The following SH3TC2 variants were observed in gnomAD, a reference collection of about 807,000 sequenced individuals.
SH3TC2 encodes the protein SH3 domain and tetratricopeptide repeats 2, also known as SH3 domain and tetratricopeptide repeat-containing protein 2.
SH3TC2 carries 87 observed loss-of-function variants against 124.5 expected under a neutral mutation model. The ratio of observed to expected loss-of-function variants is 0.70; its 90% CI spans 0.59 to 0.84. The LOEUF is 0.84. SH3TC2 is among the 40% of genes least tolerant of loss of function. The pLI, the probability that SH3TC2 is intolerant of heterozygous loss-of-function variation, is 0.00. For missense variants in SH3TC2, 1,536 were observed against 1,566.4 expected (o/e 0.98, Z 0.33); for synonymous variants, 634 against 628.5 (o/e 1.01, Z -0.13).
chr5:149,027,206 C>G lies in SH3TC2; in HGVS notation c.2526G>C (p.Leu842=). 1.9e-6 allele frequency: 3 copies of G among 1,614,218 alleles called. No individual in the cohort carries two copies. The highest frequency in any genetic ancestry group is 2.5e-6 in the Non-Finnish European group (3 of 1,180,050). The change falls in exon 11 of 17, where the codon CTG becomes CTC. Residue 842 remains leucine, a synonymous_variant. Coordinates refer to ENST00000515425, the MANE Select transcript of SH3TC2 (RefSeq NM_024577.4). ...GGCCTTCACCTTGGAGTGCAAGTCC[C>G]AGGAGGTTATAGATGACTCCCCTTT... The part of the protein sequence containing the change: ...LTQRGVIYNL[L]GLALQGEGRV...
At chr5:149,058,655 G>A (rs1169264221) in intron 1 of SH3TC2, among the ~76,000 whole-genome samples, 2 of 151,972 alleles carry the variant, frequency 1.3e-5, no homozygotes, top group Non-Finnish European at 2.9e-5. Flanking sequence ...GTAAGTGGGA[G>A]GAAAGCAGGA....
rs1480567885 is a variant in SH3TC2 at position 148,997,687 on chromosome 5, A to G, written c.*7024T>C. ...AGATGTGTCACCTGACAGAAACACA[A>G]TATAATATAATGGTTTCATTTCCTA... On this transcript the variant is annotated 3_prime_UTR_variant, in exon 17 of 17. Coordinates refer to ENST00000515425, the MANE Select transcript of SH3TC2 (RefSeq NM_024577.4). Among the ~76,000 whole-genome samples, 1 of 152,200 alleles carries G rather than the reference A, an allele frequency of 6.6e-6. No individual in the cohort carries two copies. Among genetic ancestry groups the G allele is most frequent in the Non-Finnish European group, 1.5e-5 (1 of 68,016 alleles).
rs1057194274 is a variant in SH3TC2, at chr5:149,002,267, G to A, written c.*2444C>T. 2.0e-5 allele frequency: 3 copies of A among 152,716 alleles called. No individual in the cohort carries two copies. The highest frequency in any genetic ancestry group is 7.2e-5 in the African/African-American group (3 of 41,448). 9.5% of individuals were successfully genotyped at this position (152,716 alleles called of 1,614,324 possible). A position where few individuals can be genotyped will look rare whatever the true frequency, so the allele number is the denominator to read the frequency against. On this transcript the variant is annotated 3_prime_UTR_variant, in exon 17 of 17. Transcript: ENST00000515425. Reference sequence around the variant, plus strand: ...ACACGATATGTAACTGTTCTGGAATGTGTGTGCCCCTGACTGTCTCCCAGG... The same window carrying A: ...ACACGATATGTAACTGTTCTGGAATATGTGTGCCCCTGACTGTCTCCCAGG...
chr5:149,058,093 T>G (rs1187580049), intron 1 of SH3TC2, among the ~76,000 whole-genome samples: 1 of 152,242 alleles, frequency 6.6e-6, no homozygotes, highest in East Asian at 1.9e-4. Context: ...AGCTTTCTGA[T>G]AACATCATCT....
Position 149,028,317 on chromosome 5 carries a change from G to A in SH3TC2, c.1415C>T (p.Ala472Val). ...AGCATAACCCTCATGATCCAGAAAA[G>A]CCAATATGGGGGCGAAGTTCTCAGC... ...EEAENFAPIL[A>V]FLDHEGYADH... The change falls in exon 11 of 17, where the codon GCT becomes GTT. Residue 472 changes from alanine to valine, a missense_variant. Around this residue, in one of 3 missense-constraint regions of SH3TC2, gnomAD observed 1,102 missense variants for 1,098.6 expected, o/e 1.00. Coordinates refer to ENST00000515425, the MANE Select transcript of SH3TC2 (RefSeq NM_024577.4). The A allele has an allele frequency of 6.2e-7, 1 of 1,614,048 alleles. No homozygotes were observed. The highest frequency in any genetic ancestry group is 8.5e-7 in the Non-Finnish European group (1 of 1,180,050).
intron 7 of SH3TC2, among the ~76,000 whole-genome samples, chr5:149,040,261 G>T (rs867286757): frequency 6.6e-6 from 1 of 152,122 alleles, no homozygotes; most frequent in Non-Finnish European, 1.5e-5. Context: ...CCCACAGGCC[G>T]CATTTGGCTC....
rs542258964 is a variant in SH3TC2, at chr5:149,008,936, C to T, written c.3393G>A (p.Lys1131=). The T allele has an allele frequency of 6.2e-6, 10 of 1,614,130 alleles. No individual in the cohort carries two copies. The highest frequency in any genetic ancestry group is 2.7e-5 in the African/African-American group (2 of 74,930). The change falls in exon 15 of 17, where the codon AAG becomes AAA. Residue 1131 remains lysine, a synonymous_variant. Coordinates refer to ENST00000515425, the MANE Select transcript of SH3TC2 (RefSeq NM_024577.4). ...AVRTELRIFN[K]LTELQISLEG... The stretch of plus-strand genomic sequence containing the variant: ...CGAGGCTAATCTGCAGCTCTGTCAG[C>T]TTATTGAAAATCCGGAGCTCAGTTC...
chr5:149,029,060 A>G (rs1754136568), intron 9 of SH3TC2, among the ~76,000 whole-genome samples: 2 of 152,096 alleles, frequency 1.3e-5, no homozygotes, highest in South Asian at 4.1e-4. Context: ...TAGAATCTGA[A>G]GATCAGAGAG....
rs938165875 is a variant in SH3TC2 at position 148,983,944 on chromosome 5, C to T, written c.*20767G>A. ...AGGTACTATCAACCTGCTCCTGGAA[C>T]CAGTGTGGTTTTTAAGTCACTTGAA... On this transcript the variant is annotated 3_prime_UTR_variant, in exon 17 of 17. Transcript: ENST00000515425. Among the ~76,000 whole-genome samples the T allele has an allele frequency of 6.6e-6, 1 of 152,286 alleles. No homozygotes were observed. Among genetic ancestry groups the T allele is most frequent in the South Asian group, 2.1e-4 (1 of 4,830 alleles).
chr5:149,027,598 G>T lies in SH3TC2; in HGVS notation c.2134C>A (p.His712Asn), dbSNP rs756043391. Residue 712 changes from histidine to asparagine, a missense_variant, in exon 11 of 17, where the codon CAC becomes AAC. Physicochemically the swap from His to Asn is moderately conservative, Grantham distance 68. This residue lies in a region of SH3TC2 where 1,102 missense variants were observed against 1,098.6 expected (regional missense o/e 1.00). Coordinates refer to ENST00000515425, the MANE Select transcript of SH3TC2 (RefSeq NM_024577.4). ...QGMSLPIWQVHLVLQNTTKLL... is the reference protein window; with the variant it reads ...QGMSLPIWQVNLVLQNTTKLL... ...TTGGTTGTGTTCTGGAGGACAAGGT[G>T]GACCTGCCAAATAGGAAGAGACATC... 6.2e-7 allele frequency: 1 copy of T among 1,614,246 alleles called. No homozygotes were observed. Among genetic ancestry groups the T allele is most frequent in the Non-Finnish European group, 8.5e-7 (1 of 1,180,046 alleles).
At chr5:149,042,538 A>G (rs1014720772) in intron 5 of SH3TC2, among the ~76,000 whole-genome samples, 156 bp downstream of exon 5, 3 of 152,238 alleles carry the variant, frequency 2.0e-5, no homozygotes, top group Non-Finnish European at 4.4e-5. Flanking sequence ...TGTTGAACTC[A>G]GAGGAATGTT....
rs202052720 is a variant in SH3TC2, at chr5:149,041,487, C to G, written c.660G>C (p.Val220=). 1.9e-5 allele frequency: 30 copies of G among 1,614,160 alleles called. No individual in the cohort carries two copies. The East Asian group carries it at 5.6e-4, about 30-fold the overall frequency. Reference sequence around the variant, plus strand: ...GGCCCCGCTGACCTGTCACCAAAGACACGCCTTCCAACTCGGAGCCAGCTT... The same window carrying G: ...GGCCCCGCTGACCTGTCACCAAAGAGACGCCTTCCAACTCGGAGCCAGCTT... ...MAEAGSELEG[V]SLVTGQRGLV... The change falls in exon 6 of 17, where the codon GTG becomes GTC. Residue 220 remains valine (V), a synonymous_variant. Transcript: ENST00000515425.
chr5:149,007,523 A>G (rs1262275767), intron 15 of SH3TC2: 2 of 289,476 alleles, frequency 6.9e-6, no homozygotes, highest in African/African-American at 4.3e-5. Flanking sequence ...CACTCTGTAT[A>G]ATAAATGTCT....
At chr5:149,048,039 GAAGA>G (rs1561771935) in intron 2 of SH3TC2, 50 bp from the exon 3 acceptor site, 1 of 1,610,754 alleles carries the variant, frequency 6.2e-7, no homozygotes. Flanking sequence ...GAATAAAAAG[GAAGA>G]AAGAGTTAGA....
intron 12 of SH3TC2, among the ~76,000 whole-genome samples, chr5:149,018,703 A>G (rs546257941): frequency 6.6e-6 from 1 of 152,206 alleles, no homozygotes; most frequent in Non-Finnish European, 1.5e-5. Flanking sequence ...CAGCCAAACC[A>G]TGTCACTACT....
chr5:149,047,876 G>C lies in SH3TC2; in HGVS notation c.265C>G (p.Arg89Gly), dbSNP rs142488510. 3 of 1,614,056 alleles carry C rather than the reference G, an allele frequency of 1.9e-6. No homozygotes were observed. The South Asian group carries it at 3.3e-5, about 18-fold the overall frequency. ...TTCATGCTCACCTTAAACAGCATGC[G>C]CACCTCCTGGTCCTCATTCTCCAGT... ...WALENEDQEVRMLFKDLSARL... is the reference protein window; with the variant it reads ...WALENEDQEVGMLFKDLSARL... The change falls in exon 3 of 17, where the codon CGC becomes GGC. Residue 89 changes from arginine to glycine, a missense_variant. Arg to Gly is a moderately radical substitution (Grantham distance 125). Transcript: ENST00000515425.
At chr5:149,060,162 C>T (rs1754721022) in intron 1 of SH3TC2, among the ~76,000 whole-genome samples, 1 of 152,188 alleles carries the variant, frequency 6.6e-6, no homozygotes, top group Non-Finnish European at 1.5e-5. Flanking sequence ...TATTTAAGGG[C>T]ATAAATCTGC....
intron 12 of SH3TC2, among the ~76,000 whole-genome samples, chr5:149,024,284 T>C (rs980746842): frequency 3.9e-5 from 6 of 152,192 alleles, no homozygotes; most frequent in African/African-American, 1.4e-4. Flanking sequence ...TACTCTCTAA[T>C]GACTTGGCTA....
chr5:149,028,379 T>A lies in SH3TC2; in HGVS notation c.1353A>T (p.Glu451Asp). 1 of 1,614,136 alleles carries A rather than the reference T, an allele frequency of 6.2e-7. No homozygotes were observed. The highest frequency in any genetic ancestry group is 8.5e-7 in the Non-Finnish European group (1 of 1,180,026). Residue 451 changes from glutamate to aspartate, a missense_variant, in exon 11 of 17, where the codon GAA (glutamate) becomes GAT (aspartate). By Grantham distance (45) the Glu-to-Asp change is conservative. This residue lies in a region of SH3TC2 where 1,102 missense variants were observed against 1,098.6 expected (regional missense o/e 1.00). Coordinates refer to ENST00000515425, the MANE Select transcript of SH3TC2 (RefSeq NM_024577.4). ...GACCAGTGCTTAGGTCCATGAGCAG[T>A]TCCGGGTCATCAAGGTCATCAGGCT... is the stretch of plus-strand genomic sequence containing the variant. ...LPEPDDLDDP[E>D]LLMDLSTGQE...
Sources: gnomAD v4.1 joint callset for allele counts (sites outside exome capture counted in the v4.1 genomes callset) on GRCh38, gnomAD v4.1.1 for gene constraint, gnomAD v4.1.1 regional missense constraint, MANE v1.5 for transcripts, NCBI Gene and HGNC (gene_info 2026-07-23, HGNC 2026-07-21) for gene names.